Variants in ATRX observed in about 807,000 individuals in gnomAD.
ATRX encodes the protein chromatin remodeler ATRX.
In ATRX, 12 loss-of-function variants were observed where a neutral mutation model predicts 172.6. The ratio of observed to expected loss-of-function variants is 0.07; its 90% CI spans 0.04 to 0.11. The LOEUF (loss-of-function observed/expected upper bound fraction) is 0.11. Among genes scored for constraint, ATRX ranks in the 10% least tolerant of loss-of-function variants. ATRX has a pLI of 1.00. For synonymous variants in ATRX, 674 were observed against 594.7 expected (o/e 1.13, Z -1.94); for missense variants, 1,368 against 1,767.4 (o/e 0.77, Z 4.05).
At chrX:77,698,960 T>C in intron 2 of ATRX, 1 of 266,748 alleles carries the variant, frequency 3.7e-6, no homozygotes, top group Non-Finnish European at 6.8e-6. Flanking sequence ...ATACTACCAA[T>C]AAAGTATATT....
At chrX:77,613,134 T>C (rs2067226430) in intron 22 of ATRX, among the ~76,000 whole-genome samples, 1 of 111,466 alleles carries the variant, frequency 9.0e-6, no homozygotes. Context: ...TTAGATCAAA[T>C]GGTAATTCTA....
At chrX:77,694,341 CT>C in intron 5 of ATRX, among the ~76,000 whole-genome samples, 1 of 111,309 alleles carries the variant, frequency 9.0e-6, no homozygotes, top group East Asian at 2.8e-4. Context: ...TAAAGACATC[CT>C]ATTTTCATAA....
chrX:77,612,986 A>G (rs1465510234), intron 22 of ATRX, among the ~76,000 whole-genome samples: 1 of 111,878 alleles, frequency 8.9e-6, no homozygotes, highest in Non-Finnish European at 1.9e-5. Flanking sequence ...TTGTTTATGC[A>G]TTCATCCATC....
intron 1 of ATRX, among the ~76,000 whole-genome samples, chrX:77,780,117 T>C (rs1557204828): frequency 2.7e-5 from 3 of 111,736 alleles, no homozygotes; most frequent in African/African-American, 9.8e-5. Context: ...GTTTTTTCCT[T>C]TCCAATAAAT....
chrX:77,522,756 T>C (rs1269399492), intron 31 of ATRX, among the ~76,000 whole-genome samples: 4 of 111,893 alleles, frequency 3.6e-5, no homozygotes, highest in African/African-American at 1.3e-4. Context: ...CTCAAGTGGG[T>C]TGATGTTTAA....
At chrX:77,624,887 A>C (rs1557101972) in intron 19 of ATRX, among the ~76,000 whole-genome samples, 1 of 111,697 alleles carries the variant, frequency 9.0e-6, no homozygotes, top group African/African-American at 3.3e-5. Context: ...AGTTAGAAAA[A>C]ACAATTCTAA....
intron 1 of ATRX, among the ~76,000 whole-genome samples, chrX:77,724,818 T>C (rs1427499710): frequency 9.0e-6 from 1 of 111,702 alleles, no homozygotes; most frequent in African/African-American, 3.3e-5. Flanking sequence ...AGTTCTGACA[T>C]TGATTTTAAA....
rs190793701 is a variant in ATRX at position 77,714,867 on chromosome X, C to T, written c.133+2264G>A. ...GGGAAAAACTTATCTGTGAACACTA[C>T]TGGGGTAATTGATGAAATAAGAATA... is the stretch of plus-strand genomic sequence containing the variant. On this transcript the variant is annotated intron_variant, in intron 2 of 34. Transcript: ENST00000373344. Among the ~76,000 whole-genome samples, 5 of 112,136 alleles carry T rather than the reference C, an allele frequency of 4.5e-5. No homozygotes were observed. In the East Asian group the frequency reaches 1.1e-3, roughly 25 times the overall value.
intron 19 of ATRX, among the ~76,000 whole-genome samples, chrX:77,621,645 T>C (rs1256162913): frequency 2.7e-5 from 3 of 112,445 alleles, no homozygotes; most frequent in Non-Finnish European, 3.7e-5. Flanking sequence ...ATACATACTC[T>C]ATTTGCTTGC....
At chrX:77,564,685 G>A (rs1273021849) in intron 28 of ATRX, among the ~76,000 whole-genome samples, 1 of 110,020 alleles carries the variant, frequency 9.1e-6, no homozygotes, top group Non-Finnish European at 1.9e-5. Context: ...GAGCCCAGCT[G>A]TTACAGACTT....
At chrX:77,664,406 C>T (rs376315478) in intron 11 of ATRX, among the ~76,000 whole-genome samples, 11 of 110,215 alleles carry the variant, frequency 1.0e-4, no homozygotes, top group Non-Finnish European at 1.5e-4. Flanking sequence ...ACTACAGGCA[C>T]GCACTATCAC....
At chrX:77,610,434 G>C (rs1389984571) in intron 22 of ATRX, among the ~76,000 whole-genome samples, 2 of 111,791 alleles carry the variant, frequency 1.8e-5, no homozygotes, top group African/African-American at 3.3e-5. Context: ...TAATGCAGCA[G>C]AGTTAAAATG....
At chrX:77,712,110 G>C (rs1430738544) in intron 2 of ATRX, among the ~76,000 whole-genome samples, 1 of 111,435 alleles carries the variant, frequency 9.0e-6, no homozygotes, top group Non-Finnish European at 1.9e-5. Context: ...TTTTTTCCTT[G>C]ATTTCACATC....
chrX:77,636,834 A>AGGAAGGAGGT (rs1176620629), intron 15 of ATRX, among the ~76,000 whole-genome samples: 2 of 100,868 alleles, frequency 2.0e-5, no homozygotes, highest in Non-Finnish European at 4.0e-5. Context: ...AGCAGGAAGG[A>AGGAAGGAGGT]GGAAGGAGGT....
chrX:77,509,457 T>C (rs2062793230), intron 34 of ATRX, among the ~76,000 whole-genome samples: 1 of 111,853 alleles, frequency 8.9e-6, no homozygotes, highest in African/African-American at 3.3e-5. Flanking sequence ...ATCACCTTCA[T>C]GAGAACCAAA....
intron 1 of ATRX, among the ~76,000 whole-genome samples, chrX:77,756,389 G>A (rs782029752): frequency 1.8e-5 from 2 of 109,513 alleles, no homozygotes; most frequent in Non-Finnish European, 3.8e-5. Flanking sequence ...GGCACCACTG[G>A]GGTATGAAGA....
intron 10 of ATRX, among the ~76,000 whole-genome samples, chrX:77,665,208 A>G (rs2070167001): frequency 8.9e-6 from 1 of 112,440 alleles, no homozygotes; most frequent in South Asian, 3.7e-4. Context: ...ATTCAACAGC[A>G]AAATATATTC....
chrX:77,622,337 G>T (rs2067627706), intron 19 of ATRX, among the ~76,000 whole-genome samples: 1 of 111,763 alleles, frequency 8.9e-6, no homozygotes, highest in Admixed American at 9.5e-5. Context: ...TAAAATTAAT[G>T]AGGTAGACAC....
At chrX:77,643,904 A>G (rs2068779186) in intron 15 of ATRX, among the ~76,000 whole-genome samples, 1 of 110,365 alleles carries the variant, frequency 9.1e-6, no homozygotes, top group Non-Finnish European at 1.9e-5. Flanking sequence ...AGCACAATCA[A>G]TCTACAAACA....
Sources: allele counts gnomAD v4.1 joint callset (sites outside exome capture counted in the v4.1 genomes callset), GRCh38; gene constraint gnomAD v4.1.1; transcripts MANE v1.5; gene names NCBI Gene and HGNC (gene_info 2026-07-23, HGNC 2026-07-21).